Variants in NUP210 observed in about 807,000 individuals in gnomAD.
NUP210 encodes nucleoporin 210, also known as nuclear pore membrane glycoprotein 210.
In NUP210, 151 loss-of-function variants were observed where a neutral mutation model predicts 196.0. The ratio of observed to expected loss-of-function variants is 0.77; its 90% CI spans 0.67 to 0.88. The LOEUF (loss-of-function observed/expected upper bound fraction) is 0.88, where lower values mean the gene tolerates loss of function less well. Among genes scored for constraint, NUP210 ranks in the 40% least tolerant of loss-of-function variants. The pLI is 0.00. For synonymous variants in NUP210, 1,070 were observed against 1,052.7 expected, an observed-to-expected ratio of 1.02 and a Z score of -0.32; for missense variants, 2,314 against 2,493.7, an observed-to-expected ratio of 0.93 and a Z score of 1.53.
Position 13,366,084 on chromosome 3 carries a change from C to T in NUP210, c.1794G>A (p.Leu598=). 6.2e-7 allele frequency: 1 copy of T among 1,613,468 alleles called. No homozygotes were observed. The change falls in exon 14 of 40, where the codon CTG becomes CTA. Residue 598 remains leucine, a synonymous_variant. Transcript: ENST00000254508. ...QGVFQPLPGR[L]PPGSEHCSGI... ...CGCTGCAGTGCTCAGAGCCTGGCGG[C>T]AGCCTCCCTACAGAAAGGAGAGAAC...
In NUP210 at chr3:13,386,329, C is replaced by A; in HGVS notation, c.763G>T (p.Val255Leu). ...ACCTTGTAGTGAATGGAGGTTCCCA[C>A]CATCAGGTAGACGTCATAGGCCGGG... is the stretch of plus-strand genomic sequence containing the variant. ...LNPAYDVYLM[V>L]GTSIHYKVQK... is the part of the protein sequence containing the mutation. The change falls in exon 6 of 40, where the codon GTG becomes TTG. Residue 255 changes from valine to leucine, a missense_variant. Coordinates refer to ENST00000254508, the MANE Select transcript of NUP210 (RefSeq NM_024923.4). 2 of 1,614,182 alleles carry A rather than the reference C, an allele frequency of 1.2e-6. No individual in the cohort carries two copies.
intron 1 of NUP210, among the ~76,000 whole-genome samples, chr3:13,405,143 T>C (rs961493381): frequency 7.2e-5 from 11 of 152,236 alleles, no homozygotes; most frequent in African/African-American, 2.7e-4. Context: ...GCCATTTCTC[T>C]GAGGGTGTTT....
chr3:13,350,599 G>A lies in NUP210; in HGVS notation c.2835+1280C>T, dbSNP rs1697936138. Among the ~76,000 whole-genome samples the A allele has an allele frequency of 6.6e-6, 1 of 151,526 alleles. No homozygotes were observed. Among genetic ancestry groups the A allele is most frequent in the Non-Finnish European group, 1.5e-5 (1 of 67,962 alleles). On this transcript the variant is annotated intron_variant, in intron 20 of 39. Transcript: ENST00000254508. This position sits in a 1 kb window ranked among gnomAD's most constrained non-coding sequence, Gnocchi z 4.1. ...AGGCAAAGCCTTCCAACCAAACAAC[G>A]ATGAAGGGAGTAAAGGAAGATTTGA...
intron 21 of NUP210, among the ~76,000 whole-genome samples, chr3:13,342,837 G>A (rs983587704): frequency 6.6e-6 from 1 of 152,238 alleles, no homozygotes; most frequent in Non-Finnish European, 1.5e-5. Context: ...ATTCTGGGAA[G>A]AAAATACATG....
intron 1 of NUP210, among the ~76,000 whole-genome samples, chr3:13,419,177 G>T (rs1700449389): frequency 6.6e-6 from 1 of 152,174 alleles, no homozygotes; most frequent in Non-Finnish European, 1.5e-5. Flanking sequence ...AATAAAGGGA[G>T]CAACTACTGA....
chr3:13,359,950 G>A (rs535500931), intron 15 of NUP210, among the ~76,000 whole-genome samples: 1 of 152,340 alleles, frequency 6.6e-6, no homozygotes, highest in South Asian at 2.1e-4. Flanking sequence ...GGAGACATTG[G>A]ACTTGTGACC....
chr3:13,345,087 T>C lies in NUP210; in HGVS notation c.2836-1784A>G, dbSNP rs1697670521. The stretch of plus-strand genomic sequence containing the variant: ...ACTCAGCCCAGCATCTGGTACAGCC[T>C]AGCCTCCTACGAGCACATCTTGATT... On this transcript the variant is annotated intron_variant, in intron 20 of 39. Coordinates refer to ENST00000254508, the MANE Select transcript of NUP210 (RefSeq NM_024923.4). 4.1e-6 allele frequency: 4 copies of C among 985,308 alleles called. No homozygotes were observed. The South Asian group carries it at 1.9e-4, about 46-fold the overall frequency. The allele number at this position is 985,308 out of a possible 1,614,324, so 61.0% of individuals were successfully genotyped here.
At chr3:13,370,940 G>A (rs1169071950) in intron 13 of NUP210, among the ~76,000 whole-genome samples, 1 of 152,214 alleles carries the variant, frequency 6.6e-6, no homozygotes. Flanking sequence ...AAAACACGCT[G>A]TGATTCAACG....
At chr3:13,338,230 C>T (rs1045711452) in intron 25 of NUP210, among the ~76,000 whole-genome samples, 1 of 152,204 alleles carries the variant, frequency 6.6e-6, no homozygotes, top group Non-Finnish European at 1.5e-5. Context: ...CCTGCTCTTC[C>T]TTAGGCCTGG....
At chr3:13,400,853 C>G (rs1232336561) in intron 1 of NUP210, among the ~76,000 whole-genome samples, 1 of 152,214 alleles carries the variant, frequency 6.6e-6, no homozygotes, top group East Asian at 1.9e-4. Flanking sequence ...CGACACAGAG[C>G]AGACACTCCG....
At chr3:13,377,880 T>TGCAGGCCCCACACCACCCACC in intron 8 of NUP210, among the ~76,000 whole-genome samples, 1 of 20,800 alleles carries the variant, frequency 4.8e-5, no homozygotes, top group South Asian at 1.2e-3. Context: ...CCCACACCAC[T>TGCAGGCCCCACACCACCCACC]TACCTGGAGG....
chr3:13,390,188 G>T (rs945594437), intron 4 of NUP210, among the ~76,000 whole-genome samples: 1 of 152,164 alleles, frequency 6.6e-6, no homozygotes, highest in East Asian at 1.9e-4. Flanking sequence ...ATGCCCCGAT[G>T]GTCGTAAAGC....
intron 13 of NUP210, among the ~76,000 whole-genome samples, chr3:13,370,835 A>G (rs1295819189): frequency 6.6e-6 from 1 of 152,230 alleles, no homozygotes; most frequent in Non-Finnish European, 1.5e-5. Context: ...ACCTCTGCCA[A>G]TAAAGCTTCC....
Position 13,321,583 on chromosome 3 carries a change from A to G in NUP210, c.5166+2T>C, listed in dbSNP as rs765763841. On this transcript the variant is annotated splice_donor_variant, in intron 36 of 39. Transcript: ENST00000254508. LOFTEE classifies it high-confidence loss of function. ...GGCCTGAGGCATGCAGATGCCACTC[A>G]CCTCCAAGTTCTCCAGAACCTCCGG... 6.2e-7 allele frequency: 1 copy of G among 1,611,610 alleles called. No homozygotes were observed. Among genetic ancestry groups the G allele is most frequent in the Non-Finnish European group, 8.5e-7 (1 of 1,177,830 alleles).
In NUP210 at chr3:13,341,977, G is replaced by A. The variant is rs377004944; in HGVS notation, c.3092+19C>T. ...CACTGTCTCTGAGGTGCCCTCCTCTGACCCCTAGGAGAACTCACACCAATG... is the reference window on the plus strand; with the variant it reads ...CACTGTCTCTGAGGTGCCCTCCTCTAACCCCTAGGAGAACTCACACCAATG... On this transcript the variant is annotated intron_variant, in intron 22 of 39. Coordinates refer to ENST00000254508, the MANE Select transcript of NUP210 (RefSeq NM_024923.4). 58 of 1,613,844 alleles carry A rather than the reference G, an allele frequency of 3.6e-5. No individual in the cohort carries two copies. The highest frequency in any genetic ancestry group is 4.3e-5 in the Non-Finnish European group (51 of 1,179,912).
chr3:13,369,851 C>A (rs142087554), intron 13 of NUP210, among the ~76,000 whole-genome samples: 2 of 152,310 alleles, frequency 1.3e-5, no homozygotes, highest in African/African-American at 4.8e-5. Context: ...CCCAAGAGGG[C>A]AAGGCAGAAA....
At chr3:13,400,983 C>T (rs1039811112) in intron 1 of NUP210, among the ~76,000 whole-genome samples, 10 of 152,086 alleles carry the variant, frequency 6.6e-5, no homozygotes, top group Non-Finnish European at 1.2e-4. Context: ...CGTGGCCAGG[C>T]GCAGTGGCTC....
chr3:13,381,341 C>A (rs954118601), intron 6 of NUP210, among the ~76,000 whole-genome samples: 5 of 151,998 alleles, frequency 3.3e-5, no homozygotes, highest in African/African-American at 7.2e-5. Flanking sequence ...ACCCTCCTTG[C>A]AAATTCTAAG....
chr3:13,380,117 G>T (rs1699053652), intron 6 of NUP210, among the ~76,000 whole-genome samples: 1 of 152,152 alleles, frequency 6.6e-6, no homozygotes, highest in Admixed American at 6.5e-5. Flanking sequence ...AAGAAGCTCT[G>T]GTCACTGGTC....
Sources: gnomAD v4.1 joint callset for allele counts (sites outside exome capture counted in the v4.1 genomes callset) on GRCh38, gnomAD v4.1.1 for gene constraint, Gnocchi (gnomAD v3.1) non-coding constraint, MANE v1.5 for transcripts, NCBI Gene and HGNC (gene_info 2026-07-23, HGNC 2026-07-21) for gene names.